The following FAM118A variants were observed in gnomAD, a reference collection of about 807,000 sequenced individuals.
FAM118A encodes the protein SIR2 antiphage like 2.
In FAM118A, 25 loss-of-function variants were observed where a neutral mutation model predicts 38.2. That is an observed-to-expected ratio of 0.65 (90% CI 0.48 to 0.91). The LOEUF is 0.91. Among genes scored for constraint, FAM118A ranks in the 40% least tolerant of loss-of-function variants. The pLI, the probability that FAM118A is intolerant of heterozygous loss-of-function variation, is 0.00. For synonymous variants in FAM118A, 178 were observed against 184.1 expected (o/e 0.97, Z 0.27); for missense variants, 425 against 463.3 (o/e 0.92, Z 0.76).
chr22:45,341,166 C>T lies in FAM118A; in HGVS notation c.*761C>T, dbSNP rs545502045. 3.9e-5 allele frequency: 6 copies of T among 152,252 alleles called. No homozygotes were observed. Among genetic ancestry groups the T allele is most frequent in the African/African-American group, 1.2e-4 (5 of 41,534 alleles). 9.4% of individuals were successfully genotyped at this position (152,252 alleles called of 1,614,324 possible). ...TACTATAGAAAGCATTTTAAAGGTA[C>T]GTTTTAAAGGTCCACTGTTAAATAG... On this transcript the variant is annotated 3_prime_UTR_variant, in exon 9 of 9. Transcript: ENST00000441876.
intron 8 of FAM118A, 99 bp from the exon 9 acceptor site, chr22:45,340,284 TAAG>T (rs2086398296): frequency 7.1e-7 from 1 of 1,416,714 alleles, no homozygotes; most frequent in Non-Finnish European, 9.9e-7. Flanking sequence ...CTTCCGTACA[TAAG>T]AACAATTGTA....
chr22:45,330,892 C>T (rs576925664), intron 5 of FAM118A, 161 bp downstream of exon 5: 7 of 670,958 alleles, frequency 1.0e-5, no homozygotes, highest in African/African-American at 5.6e-5. Context: ...CTCTTGTCCT[C>T]GTCTGTGTCT....
In FAM118A at chr22:45,336,405, G is replaced by C; in HGVS notation, c.1048G>C (p.Asp350His). The C allele has an allele frequency of 6.2e-7, 1 of 1,612,544 alleles. No homozygotes were observed. Among genetic ancestry groups the C allele is most frequent in the Non-Finnish European group, 8.5e-7 (1 of 1,178,546 alleles). Reference protein sequence around the residue: ...IEVSKKRTQSDTDDAGGS With the variant: ...IEVSKKRTQSHTDDAGGS ...AGTTTCAAAAAAACGCACACAATCA[G>C]ATACTGGTATTGTGTCTGTTCTTTT... Residue 350 changes from aspartate to histidine, a missense_variant, in exon 8 of 9, where the codon GAT becomes CAT. Coordinates refer to ENST00000441876, the MANE Select transcript of FAM118A (RefSeq NM_017911.4).
At chr22:45,318,122 A>G (rs2146604064) in intron 1 of FAM118A, among the ~76,000 whole-genome samples, 1 of 152,312 alleles carries the variant, frequency 6.6e-6, no homozygotes, top group Admixed American at 6.5e-5. Context: ...GCTGGATGCC[A>G]GGGTTTGAAG....
chr22:45,322,169 A>G (rs549485791), intron 1 of FAM118A: 37 of 1,503,418 alleles, frequency 2.5e-5, no homozygotes, highest in Non-Finnish European at 3.1e-5. Context: ...AACCAGCCTG[A>G]TGAGTCTCAT....
At chr22:45,326,878 TGTGC>T (rs963541660) in intron 3 of FAM118A, among the ~76,000 whole-genome samples, 18 of 109,508 alleles carry the variant, frequency 1.6e-4, no homozygotes, top group Non-Finnish European at 2.8e-4. Flanking sequence ...TTATGGTGTG[TGTGC>T]ACCTATAGTC....
At chr22:45,339,774 C>T (rs1435838677) in intron 8 of FAM118A, among the ~76,000 whole-genome samples, 1 of 152,164 alleles carries the variant, frequency 6.6e-6, no homozygotes, top group Non-Finnish European at 1.5e-5. Context: ...GATTTTGTCC[C>T]CCCGTGGCCT....
intron 1 of FAM118A, among the ~76,000 whole-genome samples, chr22:45,314,764 G>A (rs957739966): frequency 3.4e-4 from 52 of 152,194 alleles, no homozygotes; most frequent in African/African-American, 1.1e-3. Context: ...TAAGTAACAC[G>A]TTTATTTGAG....
At chr22:45,326,986 C>T (rs2085321856) in intron 3 of FAM118A, among the ~76,000 whole-genome samples, 1 of 151,216 alleles carries the variant, frequency 6.6e-6, no homozygotes, top group South Asian at 2.1e-4. Context: ...TGCACTCCAG[C>T]CTGGGTGACA....
rs540634759 is a variant in FAM118A at position 45,337,857 on chromosome 22, G to A, written c.1054+1446G>A. The A allele has an allele frequency of 8.1e-6, 8 of 985,344 alleles. No homozygotes were observed. The East Asian group carries it at 6.8e-4, about 84-fold the overall frequency. The allele number at this position is 985,344 out of a possible 1,614,324, so 61.0% of individuals were successfully genotyped here. ...AGGTGTCTGTGCCATCCTCATGCTCGCGGGAGTTTTGGCATGGGATTCTCC... is the reference window on the plus strand; with the variant it reads ...AGGTGTCTGTGCCATCCTCATGCTCACGGGAGTTTTGGCATGGGATTCTCC... On this transcript the variant is annotated intron_variant, in intron 8 of 8. Transcript: ENST00000441876.
intron 4 of FAM118A, among the ~76,000 whole-genome samples, chr22:45,330,271 C>G (rs2085610592): frequency 6.6e-6 from 1 of 152,322 alleles, no homozygotes; most frequent in Admixed American, 6.5e-5. Flanking sequence ...AACTCCTGAG[C>G]TTCAAGTCTT....
At chr22:45,338,021 T>G in intron 8 of FAM118A, 1 of 410,650 alleles carries the variant, frequency 2.4e-6, no homozygotes, top group Non-Finnish European at 3.3e-6. Context: ...TTCCCTTGAT[T>G]AGAAATTCAA....
At chr22:45,309,387 A>T (rs1601857837), upstream of FAM118A, 1 of 152,356 alleles carries the variant, frequency 6.6e-6, no homozygotes, top group South Asian at 2.1e-4. Context: ...TCACAAGCGT[A>T]CCTAATTTCG....
At chr22:45,332,897 C>T (rs1303393727) in intron 6 of FAM118A, among the ~76,000 whole-genome samples, 187 bp downstream of exon 6, 1 of 152,116 alleles carries the variant, frequency 6.6e-6, no homozygotes, top group East Asian at 1.9e-4. Flanking sequence ...GCATGCGCCA[C>T]CATGCCTGGC....
intron 8 of FAM118A, among the ~76,000 whole-genome samples, chr22:45,337,562 G>A (rs1602007675): frequency 6.6e-6 from 1 of 152,026 alleles, no homozygotes; most frequent in Non-Finnish European, 1.5e-5. Context: ...ATTCTTAAAT[G>A]TATGCACTCC....
chr22:45,318,125 G>A (rs1054024364), intron 1 of FAM118A, among the ~76,000 whole-genome samples: 1 of 152,180 alleles, frequency 6.6e-6, no homozygotes, highest in Non-Finnish European at 1.5e-5. Context: ...GGATGCCAGG[G>A]TTTGAAGAAT....
chr22:45,337,804 G>T, intron 8 of FAM118A: 4 of 984,988 alleles, frequency 4.1e-6, no homozygotes, highest in Non-Finnish European at 4.8e-6. Flanking sequence ...CCCAGTGTGG[G>T]GTCGCCTCCT....
chr22:45,335,627 G>T (rs2146712349), intron 7 of FAM118A, among the ~76,000 whole-genome samples: 1 of 152,280 alleles, frequency 6.6e-6, no homozygotes, highest in African/African-American at 2.4e-5. Context: ...TGGCACCTGA[G>T]AATAATTTCT....
intron 1 of FAM118A, chr22:45,322,129 G>A: frequency 7.1e-7 from 1 of 1,409,308 alleles, no homozygotes. Flanking sequence ...TTTTCCTTCT[G>A]TGCTGTCCCG....
Sources: gnomAD v4.1 joint callset for allele counts (sites outside exome capture counted in the v4.1 genomes callset) on GRCh38, gnomAD v4.1.1 for gene constraint, MANE v1.5 for transcripts, NCBI Gene and HGNC (gene_info 2026-07-23, HGNC 2026-07-21) for gene names.